MSRA: variants seen among roughly 807,000 people sequenced by gnomAD.
MSRA encodes mitochondrial peptide methionine sulfoxide reductase.
MSRA carries 54 observed loss-of-function variants against 31.3 expected under a neutral mutation model. That is an observed-to-expected ratio of 1.73 (90% confidence interval 1.39 to 2.17). The LOEUF (loss-of-function observed/expected upper bound fraction) is 2.17. MSRA is among the 30% of genes most tolerant of loss of function. The probability of loss-of-function intolerance (pLI) is 0.00; values close to 1 mark genes in which losing one functional copy is unlikely to be tolerated. For synonymous variants in MSRA, 169 were observed against 116.5 expected (o/e 1.45, Z -2.90); for missense variants, 507 against 300.9 (o/e 1.69, Z -5.07).
At chr8:10,202,582 G>A (rs928988419) in intron 1 of MSRA, among the ~76,000 whole-genome samples, 1 of 152,198 alleles carries the variant, frequency 6.6e-6, no homozygotes, top group Non-Finnish European at 1.5e-5. Context: ...AAAAGATTCT[G>A]TGGGCACATT....
At chr8:10,172,147 C>T (rs1407870290) in intron 1 of MSRA, among the ~76,000 whole-genome samples, 1 of 152,202 alleles carries the variant, frequency 6.6e-6, no homozygotes, top group Non-Finnish European at 1.5e-5. Context: ...ATGCTCCCTC[C>T]ATGCCAATGT....
chr8:10,421,722 T>G (rs1265679288), intron 5 of MSRA, among the ~76,000 whole-genome samples: 4 of 152,182 alleles, frequency 2.6e-5, no homozygotes, highest in Admixed American at 6.5e-5. Context: ...CGGCTGCTTT[T>G]CGTGCATCTG....
chr8:10,271,270 A>G (rs1457406750), intron 3 of MSRA, among the ~76,000 whole-genome samples: 2 of 152,130 alleles, frequency 1.3e-5, no homozygotes, highest in African/African-American at 4.8e-5. Flanking sequence ...TTTCTGTGAT[A>G]CCTACCATGG....
intron 3 of MSRA, among the ~76,000 whole-genome samples, chr8:10,256,974 T>G (rs1000075339): frequency 6.6e-6 from 1 of 152,212 alleles, no homozygotes; most frequent in Non-Finnish European, 1.5e-5. Flanking sequence ...TACATTTCTT[T>G]CCTTCATAAT....
chr8:10,347,055 ATG>A (rs10605231), intron 5 of MSRA, among the ~76,000 whole-genome samples: 1,741 of 152,068 alleles, frequency 0.011, 23 homozygotes, highest in African/African-American at 0.04. Context: ...GCCCCCTCCA[ATG>A]TGTTTTCACA....
intron 5 of MSRA, among the ~76,000 whole-genome samples, chr8:10,373,437 G>A (rs560015813): frequency 1.3e-5 from 2 of 152,342 alleles, no homozygotes; most frequent in South Asian, 4.1e-4. Context: ...CACGATCCCT[G>A]CTCACTGCAG....
Position 10,248,568 on chromosome 8 carries a change from C to T in MSRA, c.331+3345C>T, listed in dbSNP as rs1028671013. 5.3e-5 allele frequency among the ~76,000 whole-genome samples: 8 copies of T among 152,214 alleles called. No homozygotes were observed. The East Asian group carries it at 1.2e-3, about 22-fold the overall frequency. On this transcript the variant is annotated intron_variant, in intron 3 of 5. Transcript: ENST00000317173. ...ACAGCCTCAACAGGGGAGAAGTGAG[C>T]GAGAGAGTGTGGATGTGAGTGTAGA...
At chr8:10,106,426 A>T (rs1480538663) in intron 1 of MSRA, among the ~76,000 whole-genome samples, 2 of 152,182 alleles carry the variant, frequency 1.3e-5, no homozygotes, top group African/African-American at 4.8e-5. Flanking sequence ...CCGTCTCTGC[A>T]CCATTCCTCT....
chr8:10,140,183 C>G (rs769149789), intron 1 of MSRA, among the ~76,000 whole-genome samples: 1 of 152,124 alleles, frequency 6.6e-6, no homozygotes, highest in African/African-American at 2.4e-5. Context: ...GGATACTCAG[C>G]AAGTCCTGTT....
chr8:10,114,648 G>A (rs143864069), intron 1 of MSRA, among the ~76,000 whole-genome samples: 2,564 of 152,296 alleles, frequency 0.017, 26 homozygotes, highest in Non-Finnish European at 0.022. Context: ...GAGGTCTTAC[G>A]TAGCTGAGGA....
intron 2 of MSRA, 128 bp downstream of exon 2, chr8:10,208,029 C>G: frequency 1.6e-6 from 1 of 635,310 alleles, no homozygotes; most frequent in African/African-American, 1.8e-5. Context: ...GTTGTTACAG[C>G]CAAGAAAACT....
In MSRA at chr8:10,205,206, T is replaced by C. The variant is rs186085317; in HGVS notation, c.143-2627T>C. ...TTGTGGCTACCTTGGGAAGAATGAA[T>C]TGGACAAGGGATATACAAGAGTTAG... On this transcript the variant is annotated intron_variant, in intron 1 of 5. Transcript: ENST00000317173. Among the ~76,000 whole-genome samples, 207 of 152,122 alleles carry C rather than the reference T, an allele frequency of 1.4e-3. 1 individual carries two copies. The highest frequency in any genetic ancestry group is 9.7e-4 in the Non-Finnish European group (66 of 68,004).
intron 5 of MSRA, among the ~76,000 whole-genome samples, chr8:10,347,726 G>T (rs115595440): frequency 2.0e-5 from 3 of 152,122 alleles, no homozygotes; most frequent in Non-Finnish European, 4.4e-5. Context: ...GCTCTCAACC[G>T]TATGAAATAA....
chr8:10,055,369 T>G (rs1284128363), intron 1 of MSRA, among the ~76,000 whole-genome samples: 1 of 152,234 alleles, frequency 6.6e-6, no homozygotes, highest in African/African-American at 2.4e-5. Context: ...TGCCATGTAA[T>G]GGTAAACTGC....
chr8:10,310,079 C>A (rs1039349879), intron 4 of MSRA, among the ~76,000 whole-genome samples: 2 of 152,130 alleles, frequency 1.3e-5, no homozygotes, highest in African/African-American at 4.8e-5. Context: ...TTGTGCTGAC[C>A]CCTTGAAGTT....
At chr8:10,304,509 T>C (rs1261036722) in intron 4 of MSRA, among the ~76,000 whole-genome samples, 3 of 151,956 alleles carry the variant, frequency 2.0e-5, no homozygotes, top group African/African-American at 7.3e-5. Context: ...ATCAATGGAG[T>C]TGATATTCCT....
intron 3 of MSRA, among the ~76,000 whole-genome samples, chr8:10,261,294 CG>C (rs375650512): frequency 6.6e-6 from 1 of 150,854 alleles, no homozygotes; most frequent in African/African-American, 2.4e-5. Context: ...AAATTAATCA[CG>C]TAATCTTTGA....
intron 1 of MSRA, among the ~76,000 whole-genome samples, chr8:10,070,350 C>A (rs1012679908): frequency 3.3e-5 from 5 of 152,208 alleles, no homozygotes; most frequent in African/African-American, 1.2e-4. Context: ...AAAGTTTTAG[C>A]ACCTTTCTGT....
chr8:10,251,628 G>A lies in MSRA; in HGVS notation c.331+6405G>A, dbSNP rs113448201. Among the ~76,000 whole-genome samples the A allele has an allele frequency of 3.3e-3, 500 of 152,228 alleles. 5 individuals carry two copies. The highest frequency in any genetic ancestry group is 0.011 in the African/African-American group (476 of 41,542). On this transcript the variant is annotated intron_variant, in intron 3 of 5. Transcript: ENST00000317173. Reference sequence around the variant, plus strand: ...GCAGAAAGCAGGCTTCAAGAGCAGAGACCCTTGACTCATACCCTTAGGACC... The same window carrying A: ...GCAGAAAGCAGGCTTCAAGAGCAGAAACCCTTGACTCATACCCTTAGGACC...
Sources: allele counts gnomAD v4.1 joint callset (sites outside exome capture counted in the v4.1 genomes callset), GRCh38; gene constraint gnomAD v4.1.1; transcripts MANE v1.5; gene names NCBI Gene and HGNC (gene_info 2026-07-23, HGNC 2026-07-21).